Variants in ASAP1 observed in about 807,000 individuals in gnomAD.
The protein encoded by ASAP1 is ArfGAP with SH3 domain, ankyrin repeat and PH domain 1, also known as arf-GAP with SH3 domain, ANK repeat and PH domain-containing protein 1.
In ASAP1, 43 loss-of-function variants were observed where a neutral mutation model predicts 145.2. The observed-to-expected ratio is 0.30, with a 90% CI of 0.23 to 0.38. The LOEUF is 0.38. Among genes scored for constraint, ASAP1 ranks in the 10% least tolerant of loss-of-function variants. ASAP1 has a pLI of 1.00. For synonymous variants in ASAP1, 546 were observed against 515.5 expected, an observed-to-expected ratio of 1.06 and a Z score of -0.80; for missense variants, 1,018 against 1,355.3, an observed-to-expected ratio of 0.75 and a Z score of 3.91.
At chr8:130,079,996 AG>A in intron 25 of ASAP1, 25 bp from the exon 26 acceptor site, 1 of 1,601,710 alleles carries the variant, frequency 6.2e-7, no homozygotes, top group Non-Finnish European at 8.6e-7. Flanking sequence ...GAAGGTGAAA[AG>A]GTATGTCTTT....
chr8:130,356,494 T>C (rs945322648), intron 3 of ASAP1, among the ~76,000 whole-genome samples: 1 of 152,066 alleles, frequency 6.6e-6, no homozygotes, highest in Admixed American at 6.6e-5. Flanking sequence ...GCAATTCTGT[T>C]TAATCCCAGA....
chr8:130,259,137 G>C (rs568960645), intron 3 of ASAP1, among the ~76,000 whole-genome samples: 1 of 152,176 alleles, frequency 6.6e-6, no homozygotes, highest in South Asian at 2.1e-4. Flanking sequence ...ATAACAATCT[G>C]CCTCTATTTC....
At chr8:130,054,922 C>A in intron 29 of ASAP1, 117 bp from the exon 30 acceptor site, 2 of 775,618 alleles carry the variant, frequency 2.6e-6, no homozygotes, top group Non-Finnish European at 4.6e-6. Context: ...GAATCCCAGG[C>A]TTACCCTTCT....
intron 3 of ASAP1, among the ~76,000 whole-genome samples, chr8:130,330,173 C>CAG (rs936488141): frequency 9.9e-5 from 15 of 152,192 alleles, no homozygotes; most frequent in African/African-American, 3.6e-4. Flanking sequence ...CCCACAAAGA[C>CAG]AGAGAGAGAG....
chr8:130,158,682 C>T (rs2097662867), intron 12 of ASAP1, among the ~76,000 whole-genome samples: 1 of 151,650 alleles, frequency 6.6e-6, no homozygotes. Context: ...GGTTGAGATG[C>T]TATATGCAAA....
intron 1 of ASAP1, among the ~76,000 whole-genome samples, chr8:130,430,646 T>C (rs1316666758): frequency 6.6e-6 from 1 of 151,626 alleles, no homozygotes; most frequent in Non-Finnish European, 1.5e-5. Flanking sequence ...GGCAGTGAGG[T>C]AGGAGAGGGT....
chr8:130,333,268 T>C (rs1565217111), intron 3 of ASAP1, among the ~76,000 whole-genome samples: 1 of 152,236 alleles, frequency 6.6e-6, no homozygotes, highest in Non-Finnish European at 1.5e-5. Flanking sequence ...CTTTAGTTGA[T>C]GGGATTACTT....
At chr8:130,412,727 C>G (rs1829320120) in intron 1 of ASAP1, among the ~76,000 whole-genome samples, 1 of 151,826 alleles carries the variant, frequency 6.6e-6, no homozygotes, top group African/African-American at 2.4e-5. Context: ...TCCTGGCTCA[C>G]TGCAACCTCC....
intron 1 of ASAP1, among the ~76,000 whole-genome samples, chr8:130,430,055 T>G (rs927508616): frequency 2.6e-5 from 4 of 152,156 alleles, no homozygotes; most frequent in African/African-American, 7.2e-5. Context: ...GACTAAGTCT[T>G]AGCTTCCGTT....
chr8:130,237,056 A>G (rs745741447), intron 3 of ASAP1, 62 bp from the exon 4 acceptor site: 50 of 1,294,154 alleles, frequency 3.9e-5, no homozygotes, highest in Non-Finnish European at 5.2e-5. Flanking sequence ...AAATAATAAG[A>G]AAAATTCATT....
At chr8:130,169,134 G>T in intron 9 of ASAP1, 67 bp from the exon 10 acceptor site, 1 of 1,008,710 alleles carries the variant, frequency 9.9e-7, no homozygotes, top group East Asian at 2.5e-5. Flanking sequence ...TTCCTTATGT[G>T]GAAATAAAAA....
At chr8:130,093,597 G>T (rs764348310) in intron 24 of ASAP1, among the ~76,000 whole-genome samples, 20 of 147,544 alleles carry the variant, frequency 1.4e-4, no homozygotes, top group Non-Finnish European at 2.8e-4. Context: ...AACCCAGGAA[G>T]TGGCGGTTGC....
At chr8:130,308,118 G>A (rs140824983) in intron 3 of ASAP1, among the ~76,000 whole-genome samples, 178 of 152,234 alleles carry the variant, frequency 1.2e-3, no homozygotes, top group Non-Finnish European at 2.1e-3. Flanking sequence ...TATTTTAAAT[G>A]CACATAACTA....
At chr8:130,300,818 G>A (rs1234600767) in intron 3 of ASAP1, among the ~76,000 whole-genome samples, 1 of 152,222 alleles carries the variant, frequency 6.6e-6, no homozygotes, top group Non-Finnish European at 1.5e-5. Context: ...AAAGAAGGAA[G>A]GAGACATCAT....
intron 1 of ASAP1, among the ~76,000 whole-genome samples, chr8:130,418,315 C>A (rs1829572418): frequency 6.6e-6 from 1 of 152,124 alleles, no homozygotes; most frequent in Non-Finnish European, 1.5e-5. Flanking sequence ...TTTGGGAGGG[C>A]CAGGCGGGCG....
chr8:130,080,014 G>A, intron 25 of ASAP1, 43 bp from the exon 26 acceptor site: 2 of 1,550,338 alleles, frequency 1.3e-6, no homozygotes, highest in East Asian at 2.2e-5. Context: ...CTTTAGATGG[G>A]GAAATGCAAT....
chr8:130,144,657 A>T (rs1158729971), intron 13 of ASAP1, among the ~76,000 whole-genome samples: 1 of 151,968 alleles, frequency 6.6e-6, no homozygotes, highest in Non-Finnish European at 1.5e-5. Flanking sequence ...CAAACTTATT[A>T]CTCTGTGGCC....
chr8:130,287,940 G>C (rs1821717624), intron 3 of ASAP1, among the ~76,000 whole-genome samples: 1 of 152,042 alleles, frequency 6.6e-6, no homozygotes, highest in African/African-American at 2.4e-5. Flanking sequence ...CCCTACCCCA[G>C]CCTATCTCTT....
chr8:130,418,762 CA>C (rs932289384), intron 1 of ASAP1, among the ~76,000 whole-genome samples: 7 of 100,252 alleles, frequency 7.0e-5, no homozygotes, highest in African/African-American at 7.0e-5. Flanking sequence ...CAATAGGTGC[CA>C]AAAAAAATAG....
Sources: allele counts gnomAD v4.1 joint callset (sites outside exome capture counted in the v4.1 genomes callset), GRCh38; gene constraint gnomAD v4.1.1; transcripts MANE v1.5; gene names NCBI Gene and HGNC (gene_info 2026-07-23, HGNC 2026-07-21).